TMEM108: variants seen among roughly 807,000 people sequenced by gnomAD.
TMEM108 encodes transmembrane protein 108, also known as cancer/testis antigen 124.
TMEM108 carries 12 observed loss-of-function variants against 35.1 expected under a neutral mutation model. The observed-to-expected ratio is 0.34, with a 90% CI of 0.22 to 0.55. The LOEUF is 0.55. Ranked by LOEUF, TMEM108 falls within the 20% of genes least tolerant of loss-of-function variation. TMEM108 has a pLI of 0.89. For synonymous variants in TMEM108, 287 were observed against 308.6 expected, an observed-to-expected ratio of 0.93 and a Z score of 0.73; for missense variants, 680 against 753.3, an observed-to-expected ratio of 0.90 and a Z score of 1.14.
intron 2 of TMEM108, among the ~76,000 whole-genome samples, chr3:133,115,018 G>A (rs181767047): frequency 9.9e-5 from 15 of 152,092 alleles, no homozygotes; most frequent in African/African-American, 3.6e-4. Context: ...GCCACATCCT[G>A]AAATCAACAA....
At chr3:133,113,828 G>A (rs998996277) in intron 2 of TMEM108, among the ~76,000 whole-genome samples, 5 of 152,050 alleles carry the variant, frequency 3.3e-5, no homozygotes, top group African/African-American at 1.2e-4. Context: ...ATTGGTTCTG[G>A]GTCCCAAGGC....
intron 2 of TMEM108, among the ~76,000 whole-genome samples, chr3:133,182,723 G>A (rs1425245173): frequency 1.3e-5 from 2 of 152,084 alleles, no homozygotes; most frequent in African/African-American, 4.8e-5. Flanking sequence ...CTCTCCTTTC[G>A]ATGAAGCCTT....
At position 133,113,178 on chromosome 3, in the gene TMEM108, G is replaced by T. The variant is rs200533949; in HGVS notation, c.-47+67158G>T. ...GTTGTAGACAGCAATGTGAATGGAT[G>T]GGTGGCTCATAACACTCAGTGACTT... is the stretch of plus-strand genomic sequence containing the variant. On this transcript the variant is annotated intron_variant, in intron 2 of 5. Transcript: ENST00000321871. Among the ~76,000 whole-genome samples the T allele has an allele frequency of 3.9e-5, 6 of 152,100 alleles. No homozygotes were observed. The East Asian group carries it at 1.2e-3, about 29-fold the overall frequency.
chr3:133,225,980 C>T (rs958258115), intron 2 of TMEM108, among the ~76,000 whole-genome samples: 3 of 152,106 alleles, frequency 2.0e-5, no homozygotes, highest in Non-Finnish European at 4.4e-5. Flanking sequence ...GTTACAACCT[C>T]GTTTTATAAG....
intron 2 of TMEM108, among the ~76,000 whole-genome samples, chr3:133,159,312 C>T (rs1003862292): frequency 6.6e-6 from 1 of 152,166 alleles, no homozygotes; most frequent in Admixed American, 6.5e-5. Flanking sequence ...GGTAAGTCTC[C>T]ATGGCCCATT....
chr3:133,213,001 A>G (rs1945856451), intron 2 of TMEM108, among the ~76,000 whole-genome samples: 1 of 152,162 alleles, frequency 6.6e-6, no homozygotes, highest in Admixed American at 6.5e-5. Flanking sequence ...GAATTTGACT[A>G]AAAATGCCAT....
At chr3:133,330,617 T>C (rs1413330773) in intron 3 of TMEM108, among the ~76,000 whole-genome samples, 1 of 152,196 alleles carries the variant, frequency 6.6e-6, no homozygotes, top group Non-Finnish European at 1.5e-5. Context: ...GGTAATAGTG[T>C]ATTTGCTTTG....
intron 2 of TMEM108, among the ~76,000 whole-genome samples, chr3:133,109,483 T>G (rs1016737383): frequency 2.0e-5 from 3 of 151,898 alleles, no homozygotes; most frequent in African/African-American, 4.8e-5. Flanking sequence ...AAAAAAAAAT[T>G]GAGGTACTGT....
intron 2 of TMEM108, among the ~76,000 whole-genome samples, chr3:133,129,751 GAATA>G (rs989356813): frequency 3.9e-4 from 60 of 152,170 alleles, no homozygotes; most frequent in African/African-American, 1.4e-3. Context: ...ACCACCCTGT[GAATA>G]GATAGGTATT....
At chr3:133,188,219 G>A (rs770148453) in intron 2 of TMEM108, among the ~76,000 whole-genome samples, 66 of 152,194 alleles carry the variant, frequency 4.3e-4, no homozygotes, top group Non-Finnish European at 6.6e-4. Context: ...AACCAGGCGC[G>A]TCTGCACACT....
intron 2 of TMEM108, among the ~76,000 whole-genome samples, chr3:133,169,593 A>G (rs1203108272): frequency 1.3e-5 from 2 of 152,208 alleles, no homozygotes; most frequent in Non-Finnish European, 2.9e-5. Context: ...AGATTCTAGA[A>G]CAAATCATAC....
intron 2 of TMEM108, among the ~76,000 whole-genome samples, chr3:133,083,654 T>C (rs1411835350): frequency 6.6e-6 from 1 of 152,228 alleles, no homozygotes; most frequent in Non-Finnish European, 1.5e-5. Flanking sequence ...CCTGAAGTAA[T>C]GTTTTATTTT....
At chr3:133,134,932 C>G (rs1164828294) in intron 2 of TMEM108, among the ~76,000 whole-genome samples, 1 of 152,108 alleles carries the variant, frequency 6.6e-6, no homozygotes, top group Non-Finnish European at 1.5e-5. Context: ...CTGTCTGCTT[C>G]CTTAGTAGCT....
At chr3:133,174,892 A>G (rs1945192550) in intron 2 of TMEM108, among the ~76,000 whole-genome samples, 1 of 152,180 alleles carries the variant, frequency 6.6e-6, no homozygotes, top group Non-Finnish European at 1.5e-5. Context: ...TAAAGGAGGA[A>G]GTTTGAACCC....
chr3:133,279,736 G>A (rs915867958), intron 3 of TMEM108, among the ~76,000 whole-genome samples: 1 of 152,184 alleles, frequency 6.6e-6, no homozygotes, highest in Non-Finnish European at 1.5e-5. Context: ...GTAAATGCCT[G>A]TTGTTTGATT....
At position 133,301,450 on chromosome 3, in the gene TMEM108, CA is replaced by C. The variant is rs376487476; in HGVS notation, c.40+72100del. ...GAACTGTGTCATTTCCTATCATGCA[CA>C]GTGGGCATTGCTGAAAAGCATTATC... is the stretch of plus-strand genomic sequence containing the variant. On this transcript the variant is annotated intron_variant, in intron 3 of 5. Coordinates refer to ENST00000321871, the MANE Select transcript of TMEM108 (RefSeq NM_023943.4). Among the ~76,000 whole-genome samples, 33 of 152,246 alleles carry C rather than the reference CA, an allele frequency of 2.2e-4. No individual in the cohort carries two copies. The South Asian group carries it at 6.2e-3, about 29-fold the overall frequency.
chr3:133,198,826 G>A (rs1367489246), intron 2 of TMEM108, among the ~76,000 whole-genome samples: 2 of 152,092 alleles, frequency 1.3e-5, no homozygotes, highest in Non-Finnish European at 2.9e-5. Flanking sequence ...TTGAATGTCG[G>A]CCTGCCTTGC....
intron 3 of TMEM108, among the ~76,000 whole-genome samples, chr3:133,373,973 C>G (rs2072756667): frequency 1.3e-5 from 2 of 152,210 alleles, no homozygotes; most frequent in South Asian, 4.1e-4. Context: ...TGTCCGGTGC[C>G]TGGCTGGGGC....
chr3:133,222,896 C>G (rs1407942102), intron 2 of TMEM108, among the ~76,000 whole-genome samples: 2 of 151,854 alleles, frequency 1.3e-5, no homozygotes, highest in Admixed American at 6.6e-5. Flanking sequence ...TTATGGCTCA[C>G]TACAGCTTGA....
Sources: allele counts gnomAD v4.1 joint callset (sites outside exome capture counted in the v4.1 genomes callset), GRCh38; gene constraint gnomAD v4.1.1; transcripts MANE v1.5; gene names NCBI Gene and HGNC (gene_info 2026-07-23, HGNC 2026-07-21).